The following ITFG1 variants were observed in gnomAD, a reference collection of about 807,000 sequenced individuals.
ITFG1 encodes integrin alpha FG-GAP repeat containing 1, also known as T-cell immunomodulatory protein.
ITFG1 carries 34 observed loss-of-function variants against 81.8 expected under a neutral mutation model. That is an observed-to-expected ratio of 0.42 (90% CI 0.32 to 0.55). The LOEUF (loss-of-function observed/expected upper bound fraction) is 0.55, where lower values mean the gene tolerates loss of function less well. Among genes scored for constraint, ITFG1 ranks in the 20% least tolerant of loss-of-function variants. ITFG1 has a pLI of 0.17. For synonymous variants in ITFG1, 285 were observed against 270.6 expected (o/e 1.05, Z -0.52); for missense variants, 672 against 755.4 (o/e 0.89, Z 1.29).
At chr16:47,326,024 A>G (rs1407685097) in intron 8 of ITFG1, among the ~76,000 whole-genome samples, 3 of 152,182 alleles carry the variant, frequency 2.0e-5, no homozygotes, top group Non-Finnish European at 4.4e-5. Flanking sequence ...ACAACAAAAA[A>G]AGAGAATTTT....
chr16:47,309,666 C>T (rs1344602489), intron 10 of ITFG1, among the ~76,000 whole-genome samples: 1 of 152,126 alleles, frequency 6.6e-6, no homozygotes, highest in Non-Finnish European at 1.5e-5. Flanking sequence ...GAGTTTTACA[C>T]AACTGCTTTT....
intron 8 of ITFG1, among the ~76,000 whole-genome samples, chr16:47,338,456 A>C (rs1272057928): frequency 6.6e-6 from 1 of 152,060 alleles, no homozygotes; most frequent in Non-Finnish European, 1.5e-5. Context: ...AAGAAAAAAA[A>C]CCCTAGCAAA....
intron 6 of ITFG1, chr16:47,425,908 G>A (rs1969015183): frequency 6.6e-6 from 1 of 152,032 alleles, no homozygotes; most frequent in African/African-American, 2.4e-5. Flanking sequence ...TTCATTTTAT[G>A]AATCGTTTTC....
chr16:47,327,980 C>T (rs879129566), intron 8 of ITFG1, among the ~76,000 whole-genome samples: 2 of 152,122 alleles, frequency 1.3e-5, no homozygotes, highest in African/African-American at 4.8e-5. Flanking sequence ...TGGCTATATA[C>T]CCAAAGGATT....
intron 6 of ITFG1, among the ~76,000 whole-genome samples, chr16:47,404,973 A>G (rs767387963): frequency 1.8e-4 from 28 of 151,532 alleles, no homozygotes; most frequent in Non-Finnish European, 1.9e-4. Context: ...CTAGTAGTTT[A>G]TCTTATTTTC....
At chr16:47,190,253 G>C (rs1442369777) in intron 14 of ITFG1, among the ~76,000 whole-genome samples, 2 of 151,962 alleles carry the variant, frequency 1.3e-5, no homozygotes, top group African/African-American at 4.8e-5. Context: ...TTTAGTTCTG[G>C]TACATGGATA....
At chr16:47,219,475 T>C (rs895009635) in intron 13 of ITFG1, among the ~76,000 whole-genome samples, 1 of 152,156 alleles carries the variant, frequency 6.6e-6, no homozygotes, top group African/African-American at 2.4e-5. Flanking sequence ...GTGAGGTCTA[T>C]CTCTAACTTG....
chr16:47,396,416 T>C (rs2151597591), intron 6 of ITFG1, among the ~76,000 whole-genome samples: 1 of 151,630 alleles, frequency 6.6e-6, no homozygotes, highest in South Asian at 2.1e-4. Flanking sequence ...GTGATAGAAA[T>C]GAAGAAATGA....
At chr16:47,457,514 G>A (rs1276295095) in intron 2 of ITFG1, among the ~76,000 whole-genome samples, 1 of 151,956 alleles carries the variant, frequency 6.6e-6, no homozygotes, top group Non-Finnish European at 1.5e-5. Flanking sequence ...AAGAAAATTA[G>A]TGTAAAATTT....
At chr16:47,297,419 T>G (rs1208981410) in intron 10 of ITFG1, among the ~76,000 whole-genome samples, 1 of 152,192 alleles carries the variant, frequency 6.6e-6, no homozygotes. Context: ...GTCATTTACA[T>G]TCAAGGTTAA....
intron 10 of ITFG1, among the ~76,000 whole-genome samples, chr16:47,264,888 G>T (rs1596846429): frequency 6.6e-6 from 1 of 152,056 alleles, no homozygotes; most frequent in Non-Finnish European, 1.5e-5. Flanking sequence ...TTTTTCTGAA[G>T]AACTGCCAAT....
At chr16:47,236,299 C>T (rs964541101) in intron 13 of ITFG1, among the ~76,000 whole-genome samples, 1 of 151,976 alleles carries the variant, frequency 6.6e-6, no homozygotes, top group Non-Finnish European at 1.5e-5. Context: ...CACGGTAAAA[C>T]CCCGTCTCTA....
intron 8 of ITFG1, among the ~76,000 whole-genome samples, chr16:47,355,498 T>C (rs1410861800): frequency 6.6e-6 from 1 of 152,124 alleles, no homozygotes; most frequent in African/African-American, 2.4e-5. Flanking sequence ...CTGTGATGTA[T>C]TGTGTATTTC....
At position 47,293,599 on chromosome 16, in the gene ITFG1, GGTTA is replaced by G. The variant is rs1361965353; in HGVS notation, c.1070+17637_1070+17640del. Among the ~76,000 whole-genome samples the G allele has an allele frequency of 5.3e-5, 8 of 151,906 alleles. No homozygotes were observed. In the South Asian group the frequency reaches 1.0e-3, roughly 20 times the overall value. The stretch of plus-strand genomic sequence containing the variant: ...TGGTTTAGATTTGCGTATCTCTGAG[GGTTA>G]GTAATGTACATTTTTTTATGTGCTT... On this transcript the variant is annotated intron_variant, in intron 10 of 17. Coordinates refer to ENST00000320640, the MANE Select transcript of ITFG1 (RefSeq NM_030790.5).
chr16:47,274,074 T>C (rs1312113068), intron 10 of ITFG1, among the ~76,000 whole-genome samples: 1 of 152,080 alleles, frequency 6.6e-6, no homozygotes, highest in African/African-American at 2.4e-5. Flanking sequence ...TTGACCAACA[T>C]GGTGAAACCC....
chr16:47,157,708 TAA>T (rs1467117874), intron 17 of ITFG1: 1 of 152,204 alleles, frequency 6.6e-6, no homozygotes, highest in African/African-American at 2.4e-5. Context: ...AGTGATTTTT[TAA>T]AAGTGACAAG....
At chr16:47,320,958 A>G (rs1967439476) in intron 8 of ITFG1, among the ~76,000 whole-genome samples, 1 of 152,188 alleles carries the variant, frequency 6.6e-6, no homozygotes, top group African/African-American at 2.4e-5. Context: ...TGCTCCATAG[A>G]TGGTGAAAAA....
At chr16:47,282,837 T>C (rs1172914062) in intron 10 of ITFG1, among the ~76,000 whole-genome samples, 3 of 152,194 alleles carry the variant, frequency 2.0e-5, no homozygotes, top group African/African-American at 7.2e-5. Context: ...CTCTGATGAC[T>C]AGTAATGTTG....
intron 6 of ITFG1, among the ~76,000 whole-genome samples, chr16:47,397,506 T>A (rs1338692685): frequency 6.6e-6 from 1 of 152,140 alleles, no homozygotes; most frequent in African/African-American, 2.4e-5. Flanking sequence ...GCTTACTAGG[T>A]AGAACAATGA....
Sources: gnomAD v4.1 joint callset for allele counts (sites outside exome capture counted in the v4.1 genomes callset) on GRCh38, gnomAD v4.1.1 for gene constraint, MANE v1.5 for transcripts, NCBI Gene and HGNC (gene_info 2026-07-23, HGNC 2026-07-21) for gene names.